CAPRIN1: variants seen among roughly 807,000 people sequenced by gnomAD.
The protein encoded by CAPRIN1 is caprin-1.
CAPRIN1 carries 29 observed loss-of-function variants against 100.9 expected under a neutral mutation model. The observed-to-expected ratio is 0.29, with a 90% CI of 0.21 to 0.39. The LOEUF (loss-of-function observed/expected upper bound fraction) is 0.39, where lower values mean the gene tolerates loss of function less well. CAPRIN1 is among the 10% of genes least tolerant of loss of function. The pLI is 1.00. For synonymous variants in CAPRIN1, 338 were observed against 307.5 expected, an observed-to-expected ratio of 1.10 and a Z score of -1.04; for missense variants, 795 against 876.7, an observed-to-expected ratio of 0.91 and a Z score of 1.18.
intron 2 of CAPRIN1, among the ~76,000 whole-genome samples, chr11:34,057,413 G>GT (rs1295621107): frequency 1.3e-4 from 20 of 152,272 alleles, no homozygotes; most frequent in Admixed American, 1.2e-3. Context: ...CATTGAGAAT[G>GT]TATTGTTTTA....
At chr11:34,052,979 C>G in intron 2 of CAPRIN1, 2 of 1,071,972 alleles carry the variant, frequency 1.9e-6, no homozygotes, top group Non-Finnish European at 2.3e-6. Flanking sequence ...GCCCTTCTTT[C>G]CGTCTCTGAG....
At chr11:34,080,344 G>A (rs1268084320) in intron 7 of CAPRIN1, among the ~76,000 whole-genome samples, 1 of 152,118 alleles carries the variant, frequency 6.6e-6, no homozygotes, top group Admixed American at 6.5e-5. Context: ...TAGTTCTTTT[G>A]CAGTAGTATT....
At chr11:34,087,367 T>C (rs1431372329) in intron 11 of CAPRIN1, among the ~76,000 whole-genome samples, 1 of 97,160 alleles carries the variant, frequency 1.0e-5, no homozygotes, top group Non-Finnish European at 2.0e-5. Flanking sequence ...GGAGTCTCGC[T>C]CTGTCGCCCA....
chr11:34,089,416 C>A lies in CAPRIN1; in HGVS notation c.1253C>A (p.Ala418Asp). 1 of 1,606,940 alleles carries A rather than the reference C, an allele frequency of 6.2e-7. No individual in the cohort carries two copies. The highest frequency in any genetic ancestry group is 1.3e-5 in the African/African-American group (1 of 74,472). ...CPPVHSESRLAQPNQVPVQPE... is the reference protein window; with the variant it reads ...CPPVHSESRLDQPNQVPVQPE... Reference sequence around the variant, plus strand: ...GCAGTTCATTCTGAATCTAGACTTGCTCAGCCTAATCAAGTTCCTGTACAA... The same window carrying A: ...GCAGTTCATTCTGAATCTAGACTTGATCAGCCTAATCAAGTTCCTGTACAA... Residue 418 changes from alanine to aspartate, a missense_variant, in exon 12 of 19, where the codon GCT (alanine) becomes GAT (aspartate). Physicochemically the swap from Ala to Asp is moderately radical, Grantham distance 126. Around this residue, in one of 3 missense-constraint regions of CAPRIN1, gnomAD observed 648 missense variants for 697.9 expected, o/e 0.93. Coordinates refer to ENST00000341394, the MANE Select transcript of CAPRIN1 (RefSeq NM_005898.5).
At chr11:34,052,685 C>T (rs760297316) in intron 2 of CAPRIN1, 49 bp downstream of exon 2, 7 of 1,535,302 alleles carry the variant, frequency 4.6e-6, no homozygotes, top group Non-Finnish European at 6.2e-6. Flanking sequence ...CCGGGCTCTG[C>T]GGCCCCTCCG....
chr11:34,083,142 C>T (rs1369475929), intron 9 of CAPRIN1, 101 bp downstream of exon 9: 1 of 779,352 alleles, frequency 1.3e-6, no homozygotes, highest in Non-Finnish European at 2.2e-6. Context: ...ATTATTAGTA[C>T]ATTTATTATA....
chr11:34,053,798 G>A (rs1850388863), intron 2 of CAPRIN1: 1 of 152,212 alleles, frequency 6.6e-6, no homozygotes, highest in African/African-American at 2.4e-5. Flanking sequence ...TAATTAAAAT[G>A]AGTAAGATCA....
intron 18 of CAPRIN1, 194 bp downstream of exon 18, chr11:34,097,955 T>A: frequency 7.4e-7 from 1 of 1,349,980 alleles, no homozygotes. Context: ...TAATTTTCCC[T>A]GTTACTATAT....
intron 1 of CAPRIN1, 37 bp from the exon 2 acceptor site, chr11:34,052,384 C>T (rs548459001): frequency 5.5e-5 from 86 of 1,556,058 alleles, no homozygotes; most frequent in African/African-American, 3.5e-4. Flanking sequence ...TCTTGTCCTT[C>T]CTCCCGCTTT....
chr11:34,081,995 A>T (rs1851042075), intron 7 of CAPRIN1, among the ~76,000 whole-genome samples: 1 of 151,488 alleles, frequency 6.6e-6, no homozygotes. Context: ...TATTTTTAGT[A>T]GAGACGGGGT....
chr11:34,058,354 C>T (rs1334322550), intron 2 of CAPRIN1, among the ~76,000 whole-genome samples: 1 of 152,188 alleles, frequency 6.6e-6, no homozygotes, highest in African/African-American at 2.4e-5. Context: ...CCAGGCTGGT[C>T]TCAAACTCCT....
intron 2 of CAPRIN1, among the ~76,000 whole-genome samples, chr11:34,062,045 C>CG (rs1335405933): frequency 6.6e-6 from 1 of 152,040 alleles, no homozygotes; most frequent in Non-Finnish European, 1.5e-5. Context: ...CATAGACTCC[C>CG]GCTACATGAG....
chr11:34,060,458 G>C (rs1190660180), intron 2 of CAPRIN1, among the ~76,000 whole-genome samples: 1 of 152,088 alleles, frequency 6.6e-6, no homozygotes, highest in East Asian at 1.9e-4. Context: ...TCTTGTCTCA[G>C]CCTCCCAAAG....
At chr11:34,093,952 A>T (rs539574957) in intron 15 of CAPRIN1, among the ~76,000 whole-genome samples, 1 of 97,198 alleles carries the variant, frequency 1.0e-5, no homozygotes, top group African/African-American at 3.7e-5. Context: ...AAGTACATGG[A>T]TTGCTTTTTC....
intron 2 of CAPRIN1, among the ~76,000 whole-genome samples, chr11:34,066,973 G>A (rs1395658589): frequency 1.4e-5 from 2 of 146,882 alleles, no homozygotes; most frequent in Admixed American, 1.4e-4. Flanking sequence ...TCTGTTTCCC[G>A]GGCTGGAATG....
rs188625881 is a variant in CAPRIN1 at position 34,052,407 on chromosome 11, C to T, written c.1-14C>T. On this transcript the variant is annotated splice_polypyrimidine_tract_variant and intron_variant, in intron 1 of 18. Coordinates refer to ENST00000341394, the MANE Select transcript of CAPRIN1 (RefSeq NM_005898.5). ...TTCCTCCCGCTTTTTCTTCTCTCTC[C>T]TTGCGGTCTGAAGATGCCCTCGGCC... is the stretch of plus-strand genomic sequence containing the variant. 9.1e-4 allele frequency: 1,466 copies of T among 1,602,974 alleles called. 13 individuals are homozygous for T. In the East Asian group the frequency reaches 0.019, roughly 21 times the overall value.
At position 34,072,250 on chromosome 11, in the gene CAPRIN1, G is replaced by T. The variant is rs142747859; in HGVS notation, c.366+263G>T. ...GAGGCCAAGAGTTCATGGCTGTGGT[G>T]CATATGATTGTTCCTGTGAATAGCC... is the stretch of plus-strand genomic sequence containing the variant. On this transcript the variant is annotated intron_variant, in intron 4 of 18. Transcript: ENST00000341394. Among the ~76,000 whole-genome samples, 479 of 151,318 alleles carry T rather than the reference G, an allele frequency of 3.2e-3. 3 individuals carry two copies. The highest frequency in any genetic ancestry group is 0.011 in the African/African-American group (456 of 41,244).
intron 2 of CAPRIN1, chr11:34,052,932 AGGGTG>A (rs1187758120): frequency 8.0e-7 from 1 of 1,250,008 alleles, no homozygotes; most frequent in African/African-American, 1.6e-5. Context: ...GGGACATGTG[AGGGTG>A]GGGGCCTGTC....
chr11:34,089,343 C>G, intron 11 of CAPRIN1, 52 bp from the exon 12 acceptor site: 3 of 829,266 alleles, frequency 3.6e-6, no homozygotes, highest in Admixed American at 2.6e-5. Flanking sequence ...TTAGACGCGT[C>G]TCTCTAAAAA....
Sources: allele counts gnomAD v4.1 joint callset (sites outside exome capture counted in the v4.1 genomes callset), GRCh38; gene constraint gnomAD v4.1.1; regional missense constraint gnomAD v4.1.1; transcripts MANE v1.5; gene names NCBI Gene and HGNC (gene_info 2026-07-23, HGNC 2026-07-21).